Variants in SLC39A10 observed in about 807,000 individuals in gnomAD.
SLC39A10 encodes zinc transporter ZIP10.
In SLC39A10, 13 loss-of-function variants were observed where a neutral mutation model predicts 65.1. That is an observed-to-expected ratio of 0.20 (90% CI 0.13 to 0.32). The LOEUF (loss-of-function observed/expected upper bound fraction) is 0.32. SLC39A10 is among the 10% of genes least tolerant of loss of function. The pLI, the probability that SLC39A10 is intolerant of heterozygous loss-of-function variation, is 1.00. For synonymous variants in SLC39A10, 321 were observed against 342.2 expected, an observed-to-expected ratio of 0.94 and a Z score of 0.68; for missense variants, 831 against 1,018.4, an observed-to-expected ratio of 0.82 and a Z score of 2.50.
chr2:195,734,788 TCA>T, intron 9 of SLC39A10, 93 bp from the exon 10 acceptor site: 1 of 1,196,992 alleles, frequency 8.4e-7, no homozygotes, highest in Non-Finnish European at 1.2e-6. Context: ...TAGTTACACT[TCA>T]GTCACTAATT....
chr2:195,706,858 A>C (rs1691417787), intron 4 of SLC39A10, 73 bp downstream of exon 4: 2 of 1,087,150 alleles, frequency 1.8e-6, no homozygotes, highest in Admixed American at 6.9e-5. Context: ...TTCATTAGCA[A>C]GCTATAGCAC....
chr2:195,616,380 C>T (rs1688208461), intron 2 of SLC39A10, among the ~76,000 whole-genome samples: 1 of 152,078 alleles, frequency 6.6e-6, no homozygotes, highest in Non-Finnish European at 1.5e-5. Context: ...AATTTCGGCT[C>T]ACTGCAACCT....
intron 3 of SLC39A10, 77 bp downstream of exon 3, chr2:195,683,983 G>T: frequency 1.0e-6 from 1 of 984,110 alleles, no homozygotes. Flanking sequence ...AATTAGAAAA[G>T]AATCCTAAAT....
chr2:195,667,647 A>G (rs1009099633), intron 1 of SLC39A10, among the ~76,000 whole-genome samples: 6 of 152,232 alleles, frequency 3.9e-5, no homozygotes, highest in African/African-American at 1.4e-4. Context: ...AATATATTTA[A>G]TTGCTTTACA....
intron 1 of SLC39A10, among the ~76,000 whole-genome samples, chr2:195,662,359 C>T (rs978470331): frequency 1.3e-5 from 2 of 151,354 alleles, no homozygotes; most frequent in African/African-American, 4.9e-5. Flanking sequence ...GCCCTGACCT[C>T]CTGGGCTTGG....
intron 5 of SLC39A10, among the ~76,000 whole-genome samples, chr2:195,711,606 G>C (rs947625776): frequency 6.6e-6 from 1 of 152,182 alleles, no homozygotes; most frequent in African/African-American, 2.4e-5. Context: ...AAGGGAATTA[G>C]TGATACTTGA....
At chr2:195,684,931 C>T (rs530934532) in intron 3 of SLC39A10, among the ~76,000 whole-genome samples, 2 of 152,276 alleles carry the variant, frequency 1.3e-5, no homozygotes, top group South Asian at 4.1e-4. Flanking sequence ...ACACATATCG[C>T]AGACACTGTT....
intron 3 of SLC39A10, among the ~76,000 whole-genome samples, chr2:195,704,400 A>G (rs1331336778): frequency 6.6e-6 from 1 of 152,188 alleles, no homozygotes; most frequent in African/African-American, 2.4e-5. Context: ...ACTTTGTCCC[A>G]TGTAGTTATT....
At chr2:195,703,707 G>T (rs1691286633) in intron 3 of SLC39A10, among the ~76,000 whole-genome samples, 1 of 152,156 alleles carries the variant, frequency 6.6e-6, no homozygotes, top group African/African-American at 2.4e-5. Context: ...AGGCTGGAGT[G>T]CAGTGGCATG....
chr2:195,681,898 G>A (rs926176980), intron 2 of SLC39A10, among the ~76,000 whole-genome samples: 1 of 152,048 alleles, frequency 6.6e-6, no homozygotes, highest in African/African-American at 2.4e-5. Flanking sequence ...CCAAAGTCAG[G>A]TATTTTGCAC....
chr2:195,700,552 T>A (rs1691137608), intron 3 of SLC39A10, among the ~76,000 whole-genome samples: 1 of 152,220 alleles, frequency 6.6e-6, no homozygotes, highest in Non-Finnish European at 1.5e-5. Flanking sequence ...GGTTACTGTT[T>A]AGTGTCCTTT....
At chr2:195,691,990 A>AT (rs1289959602) in intron 3 of SLC39A10, among the ~76,000 whole-genome samples, 1 of 152,046 alleles carries the variant, frequency 6.6e-6, no homozygotes, top group Non-Finnish European at 1.5e-5. Context: ...CAAGTCTTAG[A>AT]TTTAAGTCTT....
chr2:195,657,677 G>C lies in SLC39A10; in HGVS notation c.-12+396G>C, dbSNP rs561076876. 6.9e-3 allele frequency: 6,692 copies of C among 972,274 alleles called. 20 individuals carry two copies. Among genetic ancestry groups the C allele is most frequent in the Non-Finnish European group, 7.8e-3 (6,381 of 817,946 alleles). The allele number at this position is 972,274 out of a possible 1,614,324, so 60.2% of individuals were successfully genotyped here. A position where few individuals can be genotyped will look rare whatever the true frequency, so the allele number is the denominator to read the frequency against. On this transcript the variant is annotated intron_variant, in intron 1 of 9. Transcript: ENST00000359634. ...CCGCTGGGCGGGTGGCGGCGGTTAG[G>C]GGGCTGCGCGCCGGCCGCGGATGGC...
At chr2:195,648,328 A>T (rs1010983658) in intron 2 of SLC39A10, among the ~76,000 whole-genome samples, 4 of 152,150 alleles carry the variant, frequency 2.6e-5, no homozygotes, top group Non-Finnish European at 5.9e-5. Context: ...GACTGTGCAC[A>T]GGTCACTATT....
chr2:195,683,022 A>G (rs946072727), intron 2 of SLC39A10, among the ~76,000 whole-genome samples: 3 of 152,054 alleles, frequency 2.0e-5, no homozygotes, highest in Non-Finnish European at 4.4e-5. Context: ...GACAGTGCCA[A>G]TCTCTTTTGC....
Position 195,728,430 on chromosome 2 carries a change from T to C in SLC39A10, c.2337+81T>C. On this transcript the variant is annotated intron_variant, in intron 9 of 9. Coordinates refer to ENST00000359634, the MANE Select transcript of SLC39A10 (RefSeq NM_020342.3). The surrounding 1 kb of genome is among the most constrained non-coding windows in gnomAD (Gnocchi z 4.4). ...GGAAGTGGTTTGAAGCCAAACTATT[T>C]TTGAAAATATAACTCATTTTAAAGA... 1 of 1,310,636 alleles carries C rather than the reference T, an allele frequency of 7.6e-7. No homozygotes were observed. The highest frequency in any genetic ancestry group is 1.1e-6 in the Non-Finnish European group (1 of 947,520). The allele number at this position is 1,310,636 out of a possible 1,614,324, so 81.2% of individuals were successfully genotyped here.
chr2:195,723,126 A>G (rs1692108634), intron 8 of SLC39A10, among the ~76,000 whole-genome samples: 1 of 152,234 alleles, frequency 6.6e-6, no homozygotes, highest in African/African-American at 2.4e-5. Context: ...CATATAGTTC[A>G]GGGAATTTGA....
intron 4 of SLC39A10, among the ~76,000 whole-genome samples, chr2:195,708,321 T>C (rs1210946858): frequency 1.3e-5 from 2 of 152,220 alleles, no homozygotes; most frequent in Non-Finnish European, 2.9e-5. Flanking sequence ...TTACTAAATA[T>C]TTGGCATGTA....
At chr2:195,654,081 A>C (rs1689098193), upstream of SLC39A10, among the ~76,000 whole-genome samples, 1 of 152,094 alleles carries the variant, frequency 6.6e-6, no homozygotes, top group Non-Finnish European at 1.5e-5. Flanking sequence ...CTGGGATAAT[A>C]GGCATGTGCC....
Sources: allele counts gnomAD v4.1 joint callset (sites outside exome capture counted in the v4.1 genomes callset), GRCh38; gene constraint gnomAD v4.1.1; non-coding constraint Gnocchi (gnomAD v3.1); transcripts MANE v1.5; gene names NCBI Gene and HGNC (gene_info 2026-07-23, HGNC 2026-07-21).